RNF180: variants seen among roughly 807,000 people sequenced by gnomAD.
RNF180 encodes ring finger protein 180.
Under a neutral mutation model 59.2 loss-of-function variants are expected in RNF180, and 38 were observed. The observed-to-expected ratio is 0.64, with a 90% CI of 0.50 to 0.84. RNF180 has a LOEUF of 0.84. Ranked by LOEUF, RNF180 falls within the 40% of genes least tolerant of loss-of-function variation. The probability of loss-of-function intolerance (pLI) is 0.00; values close to 1 mark genes in which losing one functional copy is unlikely to be tolerated. For missense variants in RNF180, 705 were observed against 700.9 expected, an observed-to-expected ratio of 1.01 and a Z score of -0.07; for synonymous variants, 262 against 240.3, an observed-to-expected ratio of 1.09 and a Z score of -0.84.
At chr5:64,219,692 T>G (rs1232324260) in intron 5 of RNF180, among the ~76,000 whole-genome samples, 4 of 149,070 alleles carry the variant, frequency 2.7e-5, no homozygotes, top group Admixed American at 2.0e-4. Context: ...TTTTTTTTTT[T>G]GTATTTTTAG....
chr5:64,226,293 G>T (rs1021806762), intron 5 of RNF180, among the ~76,000 whole-genome samples: 3 of 152,186 alleles, frequency 2.0e-5, no homozygotes, highest in African/African-American at 7.2e-5. Context: ...GTAGACATAG[G>T]AGACTCCATT....
intron 2 of RNF180, among the ~76,000 whole-genome samples, chr5:64,206,169 G>A (rs1281327975): frequency 6.6e-6 from 1 of 152,150 alleles, no homozygotes; most frequent in African/African-American, 2.4e-5. Context: ...AGTTAAAAGT[G>A]TCCATTGGTT....
At chr5:64,325,145 C>T in intron 5 of RNF180, 41 bp from the exon 6 acceptor site, 1 of 1,294,906 alleles carries the variant, frequency 7.7e-7, no homozygotes. Context: ...GGAAACCAAT[C>T]TCATACTAAA....
intron 5 of RNF180, among the ~76,000 whole-genome samples, chr5:64,312,826 G>A (rs1008670969): frequency 6.6e-6 from 1 of 152,038 alleles, no homozygotes; most frequent in Non-Finnish European, 1.5e-5. Flanking sequence ...AGCTGGTGCC[G>A]TGTTCAGTGA....
chr5:64,342,979 T>A (rs1745415393), intron 7 of RNF180, among the ~76,000 whole-genome samples: 1 of 152,168 alleles, frequency 6.6e-6, no homozygotes, highest in Non-Finnish European at 1.5e-5. Flanking sequence ...TATTAATTGT[T>A]AGATTGAGGG....
At chr5:64,209,502 T>C (rs1421593495) in intron 2 of RNF180, among the ~76,000 whole-genome samples, 3 of 151,832 alleles carry the variant, frequency 2.0e-5, no homozygotes, top group Non-Finnish European at 4.4e-5. Context: ...TATTAATAAG[T>C]ATGTCTCTAC....
intron 5 of RNF180, among the ~76,000 whole-genome samples, chr5:64,236,933 A>C (rs975876728): frequency 3.9e-5 from 6 of 152,172 alleles, no homozygotes; most frequent in South Asian, 4.1e-4. Context: ...CAGAGTATAT[A>C]TGGAAATGCC....
At chr5:64,181,842 G>A (rs879750538) in intron 1 of RNF180, among the ~76,000 whole-genome samples, 12 of 152,248 alleles carry the variant, frequency 7.9e-5, no homozygotes, top group South Asian at 2.1e-4. Flanking sequence ...TATGAACACC[G>A]TGTTTTATAT....
chr5:64,255,324 G>C (rs1743868112), intron 5 of RNF180, among the ~76,000 whole-genome samples: 1 of 152,078 alleles, frequency 6.6e-6, no homozygotes, highest in Non-Finnish European at 1.5e-5. Context: ...ATTTACATTA[G>C]GTATATCTCC....
chr5:64,226,246 G>T (rs1741749754), intron 5 of RNF180, among the ~76,000 whole-genome samples: 1 of 152,126 alleles, frequency 6.6e-6, no homozygotes, highest in African/African-American at 2.4e-5. Context: ...GTGGGGAAAA[G>T]AAAGATCAGA....
chr5:64,325,447 T>A, intron 6 of RNF180, 36 bp downstream of exon 6: 1 of 1,334,304 alleles, frequency 7.5e-7, no homozygotes, highest in Non-Finnish European at 1.1e-6. Context: ...ATTGTCTGAT[T>A]ATTCTACCTC....
chr5:64,361,818 G>A (rs1448874114), intron 7 of RNF180, among the ~76,000 whole-genome samples: 1 of 151,356 alleles, frequency 6.6e-6, no homozygotes, highest in African/African-American at 2.4e-5. Context: ...AAGTGGTTGT[G>A]TCTATTAAAA....
chr5:64,198,846 G>A lies in RNF180; in HGVS notation c.1-1962G>A, dbSNP rs575626469. On this transcript the variant is annotated intron_variant, in intron 1 of 7. Coordinates refer to ENST00000389100, the MANE Select transcript of RNF180 (RefSeq NM_001113561.2). ...TTTTTTTTTTTTGAGACGGAGTTTC[G>A]CTCTTGTTGCCCAGGCTGGAGTGCA... Among the ~76,000 whole-genome samples the A allele has an allele frequency of 6.7e-4, 101 of 151,116 alleles. 1 individual carries two copies. The highest frequency in any genetic ancestry group is 2.2e-3 in the African/African-American group (92 of 41,066).
At chr5:64,174,956 G>GTTTTT (rs1750146672) in intron 1 of RNF180, among the ~76,000 whole-genome samples, 13 of 102,596 alleles carry the variant, frequency 1.3e-4, no homozygotes, top group African/African-American at 5.5e-4. Flanking sequence ...CTTTAATCCA[G>GTTTTT]TTCTTTTTTT....
chr5:64,274,077 A>T (rs1432591784), intron 5 of RNF180, among the ~76,000 whole-genome samples: 1 of 152,038 alleles, frequency 6.6e-6, no homozygotes, highest in African/African-American at 2.4e-5. Flanking sequence ...ATGATTTTTT[A>T]AAAATTATTT....
chr5:64,213,534 T>G, intron 3 of RNF180, 24 bp from the exon 4 acceptor site: 1 of 1,579,064 alleles, frequency 6.3e-7, no homozygotes, highest in East Asian at 2.2e-5. Flanking sequence ...AAGCACTGTC[T>G]TTATTCTTCT....
chr5:64,192,986 A>G (rs1464189361), intron 1 of RNF180, among the ~76,000 whole-genome samples: 2 of 147,150 alleles, frequency 1.4e-5, no homozygotes, highest in Non-Finnish European at 3.0e-5. Context: ...TACCATTTGT[A>G]AAATGGATGC....
intron 5 of RNF180, among the ~76,000 whole-genome samples, chr5:64,221,730 T>A (rs1297356541): frequency 6.6e-6 from 1 of 152,208 alleles, no homozygotes; most frequent in Non-Finnish European, 1.5e-5. Flanking sequence ...AATTTTCTAA[T>A]GCTTAGCACA....
intron 2 of RNF180, among the ~76,000 whole-genome samples, chr5:64,204,392 T>C (rs1364021830): frequency 6.6e-6 from 1 of 152,234 alleles, no homozygotes; most frequent in Non-Finnish European, 1.5e-5. Flanking sequence ...TGGGCAATGC[T>C]GTTTTCAAAT....
Sources: gnomAD v4.1 joint callset for allele counts (sites outside exome capture counted in the v4.1 genomes callset) on GRCh38, gnomAD v4.1.1 for gene constraint, MANE v1.5 for transcripts, NCBI Gene and HGNC (gene_info 2026-07-23, HGNC 2026-07-21) for gene names.